The following TENM3 variants were observed in gnomAD, a reference collection of about 807,000 sequenced individuals.
The protein encoded by TENM3 is teneurin transmembrane protein 3, also known as teneurin-3.
TENM3 carries 63 observed loss-of-function variants against 255.1 expected under a neutral mutation model. The observed-to-expected ratio is 0.25, with a 90% CI of 0.20 to 0.30. The LOEUF is 0.30. TENM3 is among the 10% of genes least tolerant of loss of function. The probability of loss-of-function intolerance (pLI) is 1.00; values close to 1 mark genes in which losing one functional copy is unlikely to be tolerated. For synonymous variants in TENM3, 1,306 were observed against 1,322.3 expected (o/e 0.99, Z 0.27); for missense variants, 2,929 against 3,461.1 (o/e 0.85, Z 3.86).
the TENM3 span, among the ~76,000 whole-genome samples, chr4:181,578,027 C>T: frequency 2.0e-5 from 3 of 152,110 alleles, no homozygotes; most frequent in Non-Finnish European, 2.9e-5. Flanking sequence ...ACAGCCCCCA[C>T]GTCTACTTAC....
At chr4:181,969,684 A>T in the TENM3 span, among the ~76,000 whole-genome samples, 1 of 152,352 alleles carries the variant, frequency 6.6e-6, no homozygotes, top group African/African-American at 2.4e-5. Context: ...TTGACAGCAA[A>T]GAGTTTGAGA....
chr4:182,212,967 C>T (rs1318751664), intron 1 of TENM3, among the ~76,000 whole-genome samples: 1 of 152,184 alleles, frequency 6.6e-6, no homozygotes, highest in Admixed American at 6.5e-5. Context: ...AACATCTATG[C>T]CCTGACCATT....
Position 182,771,451 on chromosome 4 carries a change from G to C in TENM3, c.4893-2021G>C, listed in dbSNP as rs567740214. The stretch of plus-strand genomic sequence containing the variant: ...CAGTCAAGAGATAGCGTGAGAGCCA[G>C]ATCAAATCAGCTAACCACGTCGTAT... On this transcript the variant is annotated intron_variant, in intron 22 of 27. Coordinates refer to ENST00000511685, the MANE Select transcript of TENM3 (RefSeq NM_001080477.4). 4.8e-5 allele frequency among the ~76,000 whole-genome samples: 7 copies of C among 146,410 alleles called. No individual in the cohort carries two copies. In the Admixed American group the frequency reaches 5.0e-4, roughly 10 times the overall value.
At chr4:181,937,543 G>A in the TENM3 span, among the ~76,000 whole-genome samples, 3 of 152,170 alleles carry the variant, frequency 2.0e-5, no homozygotes, top group Non-Finnish European at 4.4e-5. Context: ...ATTGGATGCA[G>A]GGGATGAACA....
the TENM3 span, among the ~76,000 whole-genome samples, chr4:181,626,922 T>C: frequency 1.2e-4 from 19 of 152,194 alleles, no homozygotes; most frequent in Non-Finnish European, 2.4e-4. Context: ...GTCTATTGTA[T>C]AGAATCTAAG....
chr4:181,544,420 A>C, the TENM3 span, among the ~76,000 whole-genome samples: 1 of 146,818 alleles, frequency 6.8e-6, no homozygotes, highest in East Asian at 2.0e-4. Context: ...AAAAAAAAAA[A>C]AAAAAAAAAA....
intron 3 of TENM3, among the ~76,000 whole-genome samples, chr4:182,519,575 G>T (rs1337958107): frequency 1.3e-5 from 2 of 152,200 alleles, no homozygotes; most frequent in Non-Finnish European, 2.9e-5. Flanking sequence ...CGTTACATTT[G>T]TTAAGTGAAG....
chr4:181,778,186 A>G, the TENM3 span, among the ~76,000 whole-genome samples: 2 of 152,136 alleles, frequency 1.3e-5, no homozygotes, highest in Non-Finnish European at 2.9e-5. Flanking sequence ...CTTACAATTT[A>G]TATCCCTGAT....
At chr4:182,113,707 G>A in the TENM3 span, among the ~76,000 whole-genome samples, 1 of 152,098 alleles carries the variant, frequency 6.6e-6, no homozygotes, top group Non-Finnish European at 1.5e-5. Flanking sequence ...GTGGGGGAGA[G>A]GAAGGGAGGG....
chr4:181,787,742 T>A, the TENM3 span, among the ~76,000 whole-genome samples: 5 of 152,122 alleles, frequency 3.3e-5, no homozygotes. Flanking sequence ...ACCTATTACC[T>A]ATAAACCCTG....
chr4:182,515,275 GA>G (rs1328612093), intron 3 of TENM3, among the ~76,000 whole-genome samples: 3 of 152,092 alleles, frequency 2.0e-5, no homozygotes, highest in African/African-American at 7.2e-5. Flanking sequence ...GTGAGGCGCA[GA>G]AAAAATCCAA....
At chr4:182,433,935 T>C (rs1423654846) in intron 3 of TENM3, among the ~76,000 whole-genome samples, 1 of 151,988 alleles carries the variant, frequency 6.6e-6, no homozygotes, top group Non-Finnish European at 1.5e-5. Flanking sequence ...TGCAACATAG[T>C]GGGAACCCAC....
At chr4:181,677,094 A>T in the TENM3 span, among the ~76,000 whole-genome samples, 1 of 151,546 alleles carries the variant, frequency 6.6e-6, no homozygotes, top group Non-Finnish European at 1.5e-5. Context: ...GAGTGCCTCA[A>T]AACTTCATTT....
chr4:182,152,187 G>T (rs926471941), intron 1 of TENM3, among the ~76,000 whole-genome samples: 2 of 151,910 alleles, frequency 1.3e-5, no homozygotes, highest in African/African-American at 4.8e-5. Context: ...TTCAGAAAGG[G>T]TTCAGAAAGG....
At chr4:182,188,051 G>T (rs554707501) in intron 1 of TENM3, among the ~76,000 whole-genome samples, 1 of 152,082 alleles carries the variant, frequency 6.6e-6, no homozygotes, top group East Asian at 1.9e-4. Flanking sequence ...CAGAAAGTTT[G>T]TTTTGAAATA....
At chr4:182,605,558 A>C (rs1748338386) in intron 4 of TENM3, among the ~76,000 whole-genome samples, 2 of 152,108 alleles carry the variant, frequency 1.3e-5, no homozygotes, top group Admixed American at 6.6e-5. Context: ...TTGGATTCTA[A>C]GTCTCTTAAA....
At chr4:182,478,977 G>A (rs1733938314) in intron 3 of TENM3, among the ~76,000 whole-genome samples, 2 of 151,794 alleles carry the variant, frequency 1.3e-5, no homozygotes, top group Admixed American at 1.3e-4. Flanking sequence ...TTCTTATTTG[G>A]TACATTTTAT....
the TENM3 span, among the ~76,000 whole-genome samples, chr4:181,920,486 G>A: frequency 6.6e-6 from 1 of 152,334 alleles, no homozygotes. Context: ...GATGGCAAGT[G>A]ATGGTGAGCA....
chr4:182,257,051 G>T (rs555688262), intron 1 of TENM3, among the ~76,000 whole-genome samples: 1 of 152,172 alleles, frequency 6.6e-6, no homozygotes, highest in African/African-American at 2.4e-5. Context: ...CTGCCATAGG[G>T]TGTAATGGTT....
Sources: allele counts gnomAD v4.1 joint callset (sites outside exome capture counted in the v4.1 genomes callset), GRCh38; gene constraint gnomAD v4.1.1; transcripts MANE v1.5; gene names NCBI Gene and HGNC (gene_info 2026-07-23, HGNC 2026-07-21).